C10orf67: variants seen among roughly 807,000 people sequenced by gnomAD.
The protein encoded by C10orf67 is uncharacterized protein C10orf67, mitochondrial.
C10orf67 carries 60 observed loss-of-function variants against 35.6 expected under a neutral mutation model. The ratio of observed to expected loss-of-function variants is 1.68; its 90% CI spans 1.37 to 2.09. The LOEUF (loss-of-function observed/expected upper bound fraction) is 2.09. Ranked by LOEUF, C10orf67 falls within the 30% of genes most tolerant of loss-of-function variation. The probability of loss-of-function intolerance (pLI) is 0.00; values close to 1 mark genes in which losing one functional copy is unlikely to be tolerated. For synonymous variants in C10orf67, 167 were observed against 115.8 expected (o/e 1.44, Z -2.84); for missense variants, 474 against 330.2 (o/e 1.44, Z -3.38).
intron 7 of C10orf67, among the ~76,000 whole-genome samples, chr10:23,283,079 A>C (rs1432143656): frequency 6.6e-6 from 1 of 152,188 alleles, no homozygotes; most frequent in Non-Finnish European, 1.5e-5. Context: ...GATTGTTCGT[A>C]ATACAAAGGA....
At chr10:23,259,223 T>C (rs141854385) in intron 10 of C10orf67, among the ~76,000 whole-genome samples, 10 of 152,334 alleles carry the variant, frequency 6.6e-5, no homozygotes, top group African/African-American at 2.4e-4. Flanking sequence ...CAGCATACAA[T>C]TTGGGTCATT....
chr10:23,297,250 T>C (rs911236247), intron 5 of C10orf67, among the ~76,000 whole-genome samples: 1 of 151,556 alleles, frequency 6.6e-6, no homozygotes, highest in Non-Finnish European at 1.5e-5. Flanking sequence ...TCCTTTCCTT[T>C]CCTTTCCTTT....
At chr10:23,263,109 G>A (rs550121329) in intron 10 of C10orf67, among the ~76,000 whole-genome samples, 2 of 152,264 alleles carry the variant, frequency 1.3e-5, no homozygotes, top group South Asian at 2.1e-4. Context: ...TAGCGCTGCC[G>A]GATAAACAAC....
At chr10:23,256,861 G>A (rs893592599) in intron 10 of C10orf67, among the ~76,000 whole-genome samples, 3 of 152,156 alleles carry the variant, frequency 2.0e-5, no homozygotes, top group Admixed American at 1.3e-4. Context: ...GCCTCTGGGA[G>A]AGGGGAAGCA....
intron 4 of C10orf67, among the ~76,000 whole-genome samples, chr10:23,306,785 A>G (rs1407782661): frequency 6.6e-6 from 1 of 152,096 alleles, no homozygotes. Flanking sequence ...TGTGTTAATT[A>G]ATTTGATTGT....
rs148704393 is a variant in C10orf67, at chr10:23,225,800, A to G, written c.1435-1982T>C. On this transcript the variant is annotated intron_variant, in intron 13 of 15. Transcript: ENST00000636213. ...GCCATTACGTAATGGTAAAGGGATCAATTCAACGAGAAGAGCTAGCTATCC... is the reference window on the plus strand; with the variant it reads ...GCCATTACGTAATGGTAAAGGGATCGATTCAACGAGAAGAGCTAGCTATCC... Among the ~76,000 whole-genome samples the G allele has an allele frequency of 2.9e-3, 446 of 152,342 alleles. 3 individuals carry two copies. Among genetic ancestry groups the G allele is most frequent in the African/African-American group, 0.01 (420 of 41,568 alleles).
intron 2 of C10orf67, among the ~76,000 whole-genome samples, chr10:23,323,934 TATATATATATATATATATACAC>T (rs1845077171): frequency 1.6e-5 from 1 of 63,792 alleles, no homozygotes; most frequent in Non-Finnish European, 3.4e-5. Flanking sequence ...TATATATATA[TATATATATATATATATATACAC>T]ACACACACAC....
chr10:23,318,100 T>TAAAAAA (rs779655068), intron 4 of C10orf67: 1 of 37,042 alleles, frequency 2.7e-5, no homozygotes, highest in Non-Finnish European at 5.1e-5. Context: ...TCCCTGTCTC[T>TAAAAAA]AAAAAAAAAA....
intron 8 of C10orf67, among the ~76,000 whole-genome samples, chr10:23,281,516 CG>C (rs1270354063): frequency 6.8e-6 from 1 of 148,054 alleles, no homozygotes; most frequent in Admixed American, 6.7e-5. Context: ...GCTGCTGTGG[CG>C]GGGCTGGGGG....
At chr10:23,264,104 AT>A (rs1294879424) in intron 10 of C10orf67, among the ~76,000 whole-genome samples, 1 of 152,236 alleles carries the variant, frequency 6.6e-6, no homozygotes, top group Non-Finnish European at 1.5e-5. Context: ...GGTAAACGTT[AT>A]AAAACCCTTT....
intron 13 of C10orf67, among the ~76,000 whole-genome samples, chr10:23,238,636 A>C (rs143976361): frequency 6.6e-6 from 1 of 152,224 alleles, no homozygotes; most frequent in East Asian, 1.9e-4. Flanking sequence ...GCTAATAATC[A>C]TAAAAAAGCC....
chr10:23,328,620 G>C (rs1845291302), intron 2 of C10orf67, among the ~76,000 whole-genome samples: 1 of 150,756 alleles, frequency 6.6e-6, no homozygotes, highest in African/African-American at 2.4e-5. Context: ...AGCCAATGCA[G>C]TTGTTTTTTC....
At chr10:23,342,851 CCTT>C (rs1019058706) in intron 1 of C10orf67, among the ~76,000 whole-genome samples, 2 of 152,260 alleles carry the variant, frequency 1.3e-5, no homozygotes, top group Admixed American at 1.3e-4. Context: ...ACCTGTGGTC[CCTT>C]CTTCTCACCC....
At chr10:23,339,009 A>G (rs1845787904) in intron 1 of C10orf67, among the ~76,000 whole-genome samples, 1 of 152,206 alleles carries the variant, frequency 6.6e-6, no homozygotes, top group Non-Finnish European at 1.5e-5. Context: ...TCCTACAGTC[A>G]TAGGTCCAAG....
At chr10:23,243,688 C>CA (rs1217352444) in intron 12 of C10orf67, among the ~76,000 whole-genome samples, 4,144 of 80,400 alleles carry the variant, frequency 0.052, 112 homozygotes, top group African/African-American at 0.11. Context: ...ATCTCTGGCT[C>CA]AAAAAAAAAA....
intron 5 of C10orf67, among the ~76,000 whole-genome samples, chr10:23,301,512 T>C (rs760034659): frequency 1.3e-5 from 2 of 152,198 alleles, no homozygotes; most frequent in Non-Finnish European, 2.9e-5. Flanking sequence ...GGAGGTCCCA[T>C]GTGGGTCACC....
intron 15 of C10orf67, among the ~76,000 whole-genome samples, chr10:23,216,592 G>A (rs1057218383): frequency 2.0e-5 from 3 of 152,052 alleles, no homozygotes; most frequent in African/African-American, 4.8e-5. Context: ...ACAGCAGAAT[G>A]AATATATTGT....
At chr10:23,237,169 A>T (rs1237018233) in intron 13 of C10orf67, among the ~76,000 whole-genome samples, 1 of 152,164 alleles carries the variant, frequency 6.6e-6, no homozygotes, top group African/African-American at 2.4e-5. Context: ...GTCACTTAGG[A>T]TAATGGCCTC....
At chr10:23,341,575 A>G (rs775079462) in intron 1 of C10orf67, among the ~76,000 whole-genome samples, 22 of 151,976 alleles carry the variant, frequency 1.4e-4, no homozygotes, top group Non-Finnish European at 2.5e-4. Context: ...CTCTTTTCCA[A>G]TCCCCTCATG....
Sources: allele counts gnomAD v4.1 joint callset (sites outside exome capture counted in the v4.1 genomes callset), GRCh38; gene constraint gnomAD v4.1.1; transcripts MANE v1.5; gene names NCBI Gene and HGNC (gene_info 2026-07-23, HGNC 2026-07-21).